LCORL: variants seen among roughly 807,000 people sequenced by gnomAD.
LCORL encodes the protein ligand dependent nuclear receptor corepressor like.
In LCORL, 41 loss-of-function variants were observed where a neutral mutation model predicts 141.8. That is an observed-to-expected ratio of 0.29 (90% confidence interval 0.23 to 0.38). The LOEUF (loss-of-function observed/expected upper bound fraction) is 0.38, where lower values mean the gene tolerates loss of function less well. Ranked by LOEUF, LCORL falls within the 10% of genes least tolerant of loss-of-function variation. The pLI is 1.00. For synonymous variants in LCORL, 618 were observed against 694.1 expected, an observed-to-expected ratio of 0.89 and a Z score of 1.72; for missense variants, 1,759 against 2,035.0, an observed-to-expected ratio of 0.86 and a Z score of 2.61.
chr4:17,997,976 G>A (rs1258278378), intron 1 of LCORL, among the ~76,000 whole-genome samples: 2 of 152,162 alleles, frequency 1.3e-5, no homozygotes, highest in Non-Finnish European at 2.9e-5. Context: ...CATCTTTGAG[G>A]TGATTTGTTG....
intron 4 of LCORL, among the ~76,000 whole-genome samples, chr4:17,954,970 A>G (rs995264232): frequency 6.6e-6 from 1 of 152,200 alleles, no homozygotes; most frequent in Non-Finnish European, 1.5e-5. Context: ...GTAAAGCAGG[A>G]GGAAAGGTCA....
chr4:17,944,194 T>C (rs1004900195), intron 4 of LCORL, among the ~76,000 whole-genome samples: 4 of 152,178 alleles, frequency 2.6e-5, no homozygotes, highest in Admixed American at 6.5e-5. Context: ...AGCAGATACA[T>C]AGTCTTTTTA....
chr4:17,938,784 C>T (rs1457190252), intron 4 of LCORL, among the ~76,000 whole-genome samples: 2 of 152,118 alleles, frequency 1.3e-5, no homozygotes, highest in East Asian at 3.9e-4. Context: ...ATAACCCACT[C>T]AAAAAGTAAA....
chr4:17,874,312 C>G, exon 7 of LCORL: 1 of 1,233,862 alleles, frequency 8.1e-7, no homozygotes, highest in South Asian at 4.1e-5. Context: ...GAAGAGAGTG[C>G]AAATTTTTTA....
At chr4:18,013,389 T>C (rs1724111299) in intron 1 of LCORL, among the ~76,000 whole-genome samples, 1 of 152,256 alleles carries the variant, frequency 6.6e-6, no homozygotes, top group Non-Finnish European at 1.5e-5. Flanking sequence ...TCTGTGGATT[T>C]AAATATCATC....
intron 4 of LCORL, among the ~76,000 whole-genome samples, chr4:17,958,644 G>C (rs1713170993): frequency 6.6e-6 from 1 of 151,942 alleles, no homozygotes; most frequent in Non-Finnish European, 1.5e-5. Flanking sequence ...GCAGAGAAAG[G>C]TTAACTATAT....
exon 7 of LCORL, chr4:17,875,941 C>T (rs886787507): frequency 2.5e-5 from 31 of 1,231,096 alleles, no homozygotes; most frequent in African/African-American, 4.7e-5. Context: ...TGATAATTTT[C>T]AGAGTTCGCA....
chr4:17,873,288 G>T, intron 7 of LCORL, 100 bp downstream of exon 7: 2 of 768,738 alleles, frequency 2.6e-6, no homozygotes, highest in Non-Finnish European at 3.5e-6. Flanking sequence ...AAATATTTTG[G>T]AAACTAATTA....
intron 6 of LCORL, chr4:17,881,466 CA>C (rs1727566816): frequency 8.2e-6 from 7 of 858,126 alleles, no homozygotes; most frequent in Admixed American, 6.3e-5. Flanking sequence ...TATAAACTAT[CA>C]AAAAATATTT....
At chr4:17,912,879 C>T in intron 4 of LCORL, 1 of 455,284 alleles carries the variant, frequency 2.2e-6, no homozygotes, top group South Asian at 1.8e-5. Flanking sequence ...CCCTGGACAG[C>T]AGCAATTCCA....
At chr4:17,929,783 A>G (rs1196314890) in intron 4 of LCORL, among the ~76,000 whole-genome samples, 2 of 152,230 alleles carry the variant, frequency 1.3e-5, no homozygotes, top group Non-Finnish European at 2.9e-5. Context: ...AAAATTAAAA[A>G]TTTTAAGCTT....
chr4:17,917,586 T>C (rs776228471), intron 4 of LCORL, among the ~76,000 whole-genome samples: 10 of 152,358 alleles, frequency 6.6e-5, no homozygotes, highest in South Asian at 2.1e-4. Flanking sequence ...TCTCAGTCTA[T>C]ACAGAAAGCA....
intron 4 of LCORL, among the ~76,000 whole-genome samples, chr4:17,919,787 C>T (rs1298134795): frequency 6.6e-6 from 1 of 152,216 alleles, no homozygotes; most frequent in Non-Finnish European, 1.5e-5. Context: ...CCTCCTTTCA[C>T]CTGCCCTGAA....
chr4:17,910,424 T>C (rs891167930), intron 4 of LCORL, among the ~76,000 whole-genome samples: 1 of 152,192 alleles, frequency 6.6e-6, no homozygotes, highest in Non-Finnish European at 1.5e-5. Context: ...ACGGGCCTAC[T>C]TGTAGAGATA....
At chr4:17,883,780 C>G in intron 6 of LCORL, 1 of 1,550,324 alleles carries the variant, frequency 6.5e-7, no homozygotes, top group Non-Finnish European at 8.7e-7. Flanking sequence ...TATTATATAA[C>G]CCAGTGTCTG....
chr4:17,894,503 G>A (rs372879399), intron 5 of LCORL, among the ~76,000 whole-genome samples: 1 of 151,950 alleles, frequency 6.6e-6, no homozygotes, highest in Non-Finnish European at 1.5e-5. Flanking sequence ...CAATAACAAC[G>A]CTAAAAATGT....
At chr4:17,949,018 T>G (rs143162844) in intron 4 of LCORL, among the ~76,000 whole-genome samples, 1 of 152,052 alleles carries the variant, frequency 6.6e-6, no homozygotes, top group South Asian at 2.1e-4. Context: ...TCTGGCTTTG[T>G]GTGTGTACTG....
At chr4:17,964,554 C>G (rs1468864130) in intron 2 of LCORL, among the ~76,000 whole-genome samples, 1 of 151,942 alleles carries the variant, frequency 6.6e-6, no homozygotes, top group Non-Finnish European at 1.5e-5. Flanking sequence ...TAAAACCTGA[C>G]AAATCAAAAA....
Position 17,968,518 on chromosome 4 carries a change from T to C in LCORL, c.220+4302A>G, listed in dbSNP as rs374042399. 4.6e-5 allele frequency among the ~76,000 whole-genome samples: 7 copies of C among 152,308 alleles called. No individual in the cohort carries two copies. The East Asian group carries it at 1.2e-3, about 25-fold the overall frequency. The stretch of plus-strand genomic sequence containing the variant: ...ATGTTATTAAAAAGTAGTTTTGTTG[T>C]CTCCATCATAGTGTTAACAGGTAGA... On this transcript the variant is annotated intron_variant, in intron 2 of 7. Transcript: ENST00000635767.
Sources: allele counts gnomAD v4.1 joint callset (sites outside exome capture counted in the v4.1 genomes callset), GRCh38; gene constraint gnomAD v4.1.1; transcripts MANE v1.5; gene names NCBI Gene and HGNC (gene_info 2026-07-23, HGNC 2026-07-21).